Variants in EEFSEC observed in about 807,000 individuals in gnomAD.
EEFSEC encodes selenocysteine-specific elongation factor.
EEFSEC carries 43 observed loss-of-function variants against 42.1 expected under a neutral mutation model. That is an observed-to-expected ratio of 1.02 (90% CI 0.80 to 1.32). The LOEUF (loss-of-function observed/expected upper bound fraction) is 1.32, where lower values mean the gene tolerates loss of function less well. EEFSEC is among the 40% of genes most tolerant of loss of function. The pLI is 0.00. For synonymous variants in EEFSEC, 354 were observed against 339.1 expected, an observed-to-expected ratio of 1.04 and a Z score of -0.48; for missense variants, 745 against 803.6, an observed-to-expected ratio of 0.93 and a Z score of 0.88.
At chr3:128,154,689 C>A (rs1165723382) in intron 1 of EEFSEC, among the ~76,000 whole-genome samples, 2 of 152,006 alleles carry the variant, frequency 1.3e-5, no homozygotes, top group Admixed American at 1.3e-4. Flanking sequence ...GACTTCATGA[C>A]CCGCCCGCCC....
At chr3:128,289,816 G>A (rs1006609711) in intron 4 of EEFSEC, among the ~76,000 whole-genome samples, 1 of 152,198 alleles carries the variant, frequency 6.6e-6, no homozygotes, top group African/African-American at 2.4e-5. Context: ...TGCTGTGGGG[G>A]CCACCAATAT....
intron 4 of EEFSEC, among the ~76,000 whole-genome samples, chr3:128,314,318 T>A (rs539526224): frequency 6.6e-6 from 1 of 152,218 alleles, no homozygotes; most frequent in Admixed American, 6.5e-5. Context: ...TCAACATTGT[T>A]GACATTTTAT....
In EEFSEC at chr3:128,408,067, A is replaced by C; in HGVS notation, c.1601-2A>C. 1 of 1,551,628 alleles carries C rather than the reference A, an allele frequency of 6.4e-7. No homozygotes were observed. ...TGACAGGCTCTCTTCTGTGCCTTGC[A>C]GGTGGCCTCAGCCCCGAGTCCAAGA... is the stretch of plus-strand genomic sequence containing the variant. On this transcript the variant is annotated splice_acceptor_variant, in intron 6 of 6. Coordinates refer to ENST00000254730, the MANE Select transcript of EEFSEC (RefSeq NM_021937.5). LOFTEE classifies it high-confidence loss of function.
At chr3:128,272,767 G>T (rs1469156094) in intron 4 of EEFSEC, among the ~76,000 whole-genome samples, 1 of 152,216 alleles carries the variant, frequency 6.6e-6, no homozygotes, top group Non-Finnish European at 1.5e-5. Context: ...AATTGGGCTG[G>T]CTGGGTTACA....
intron 4 of EEFSEC, among the ~76,000 whole-genome samples, chr3:128,270,904 C>T (rs1342464291): frequency 4.6e-5 from 7 of 152,168 alleles, no homozygotes; most frequent in Non-Finnish European, 8.8e-5. Flanking sequence ...TTTGTGCCTG[C>T]ATCTCCTGTG....
At chr3:128,394,458 T>A (rs1483847571) in intron 6 of EEFSEC, among the ~76,000 whole-genome samples, 1 of 151,550 alleles carries the variant, frequency 6.6e-6, no homozygotes, top group African/African-American at 2.4e-5. Context: ...CCCCACCAAG[T>A]CATAAAAATG....
At chr3:128,243,225 T>C (rs932804815) in intron 1 of EEFSEC, among the ~76,000 whole-genome samples, 3 of 152,186 alleles carry the variant, frequency 2.0e-5, no homozygotes, top group Non-Finnish European at 2.9e-5. Flanking sequence ...CCTGGCCTTT[T>C]GGAACAAAGA....
intron 4 of EEFSEC, among the ~76,000 whole-genome samples, chr3:128,291,521 A>G (rs760972704): frequency 1.3e-5 from 2 of 152,208 alleles, no homozygotes; most frequent in African/African-American, 2.4e-5. Context: ...TGATATTGGA[A>G]TTCTCAGCCT....
intron 6 of EEFSEC, among the ~76,000 whole-genome samples, chr3:128,360,176 C>T (rs1276922776): frequency 6.6e-6 from 1 of 152,250 alleles, no homozygotes; most frequent in African/African-American, 2.4e-5. Context: ...TCCATAGTGG[C>T]TCTGAGTCCT....
chr3:128,366,525 GCA>G (rs1480747578), intron 6 of EEFSEC, among the ~76,000 whole-genome samples: 1 of 152,230 alleles, frequency 6.6e-6, no homozygotes, highest in Non-Finnish European at 1.5e-5. Context: ...CAGCCTGAGG[GCA>G]CAGAGGAGGA....
intron 6 of EEFSEC, among the ~76,000 whole-genome samples, chr3:128,372,651 T>G (rs1013322712): frequency 6.6e-6 from 1 of 152,218 alleles, no homozygotes; most frequent in African/African-American, 2.4e-5. Flanking sequence ...TGTGCCAGAC[T>G]ACCTGACATG....
At chr3:128,163,952 A>C (rs893589360) in intron 1 of EEFSEC, among the ~76,000 whole-genome samples, 6 of 151,722 alleles carry the variant, frequency 4.0e-5, no homozygotes, top group African/African-American at 1.2e-4. Context: ...AAAAAAAAAA[A>C]CAAAACTATT....
At chr3:128,197,647 C>T (rs2955124) in intron 1 of EEFSEC, among the ~76,000 whole-genome samples, 20,290 of 152,136 alleles carry the variant, frequency 0.13, 1,560 homozygotes, top group Admixed American at 0.2. Context: ...CCACCATTAA[C>T]GGTACGAGAA....
chr3:128,264,000 T>A (rs781230090), intron 3 of EEFSEC, among the ~76,000 whole-genome samples: 9 of 152,072 alleles, frequency 5.9e-5, no homozygotes, highest in Non-Finnish European at 1.0e-4. Flanking sequence ...ATGGGGGAGA[T>A]AATAAAGAGA....
At chr3:128,214,189 A>G (rs551507212) in intron 1 of EEFSEC, among the ~76,000 whole-genome samples, 2 of 152,370 alleles carry the variant, frequency 1.3e-5, no homozygotes, top group Admixed American at 1.3e-4. Context: ...AATCCTTTTT[A>G]TATATCAGCA....
intron 1 of EEFSEC, among the ~76,000 whole-genome samples, chr3:128,232,970 T>G (rs934280599): frequency 6.6e-6 from 1 of 152,240 alleles, no homozygotes; most frequent in Non-Finnish European, 1.5e-5. Context: ...CTCTGCCTCT[T>G]GTCCTCCCAG....
At chr3:128,227,583 G>A (rs1335306648) in intron 1 of EEFSEC, among the ~76,000 whole-genome samples, 1 of 152,190 alleles carries the variant, frequency 6.6e-6, no homozygotes, top group Admixed American at 6.5e-5. Context: ...TAAGACAACT[G>A]TTGTTTTTTG....
chr3:128,386,534 C>T (rs1267518242), intron 6 of EEFSEC, among the ~76,000 whole-genome samples: 1 of 151,996 alleles, frequency 6.6e-6, no homozygotes, highest in Non-Finnish European at 1.5e-5. Flanking sequence ...TGAGGCCAGG[C>T]CTTCATGGTG....
intron 4 of EEFSEC, among the ~76,000 whole-genome samples, chr3:128,287,052 T>C (rs1023885895): frequency 6.6e-6 from 1 of 152,202 alleles, no homozygotes; most frequent in Non-Finnish European, 1.5e-5. Context: ...TGACACAAGA[T>C]TGTGAAGCCT....
Sources: gnomAD v4.1 joint callset for allele counts (sites outside exome capture counted in the v4.1 genomes callset) on GRCh38, gnomAD v4.1.1 for gene constraint, MANE v1.5 for transcripts, NCBI Gene and HGNC (gene_info 2026-07-23, HGNC 2026-07-21) for gene names.